MRTFA: variants seen among roughly 807,000 people sequenced by gnomAD.
MRTFA encodes myocardin-related transcription factor A.
Under a neutral mutation model 83.5 loss-of-function variants are expected in MRTFA, and 20 were observed. That is an observed-to-expected ratio of 0.24 (90% confidence interval 0.17 to 0.35). The LOEUF is 0.35. MRTFA is among the 10% of genes least tolerant of loss of function. The pLI is 1.00. For missense variants in MRTFA, 1,200 were observed against 1,224.7 expected (o/e 0.98, Z 0.30); for synonymous variants, 659 against 541.2 (o/e 1.22, Z -3.02).
chr22:40,589,986 C>T (rs1157809500), intron 2 of MRTFA, among the ~76,000 whole-genome samples: 1 of 149,298 alleles, frequency 6.7e-6, no homozygotes, highest in East Asian at 2.0e-4. Context: ...CGTACCACTG[C>T]ACTCCAGCCT....
At chr22:40,554,587 T>A (rs962367094) in intron 2 of MRTFA, among the ~76,000 whole-genome samples, 1 of 152,210 alleles carries the variant, frequency 6.6e-6, no homozygotes, top group Admixed American at 6.5e-5. Flanking sequence ...CCGAGCCCTG[T>A]GGAACTGTGA....
chr22:40,554,555 A>T (rs986899926), intron 2 of MRTFA, among the ~76,000 whole-genome samples: 2 of 152,086 alleles, frequency 1.3e-5, no homozygotes, highest in African/African-American at 4.8e-5. Flanking sequence ...TGCCATCATG[A>T]CTGTAAGTTT....
At chr22:40,413,226 C>G (rs2052600007) in intron 14 of MRTFA, among the ~76,000 whole-genome samples, 1 of 149,622 alleles carries the variant, frequency 6.7e-6, no homozygotes. Context: ...GAGGCTGGGA[C>G]AGGAGGATTG....
chr22:40,545,829 G>A (rs1438860634), intron 3 of MRTFA, among the ~76,000 whole-genome samples: 2 of 151,344 alleles, frequency 1.3e-5, no homozygotes, highest in African/African-American at 4.9e-5. Flanking sequence ...CCTCTCCCCA[G>A]TTCAAGCGAT....
chr22:40,609,416 G>A (rs1376195076), intron 1 of MRTFA, among the ~76,000 whole-genome samples: 2 of 149,502 alleles, frequency 1.3e-5, no homozygotes, highest in Non-Finnish European at 3.0e-5. Flanking sequence ...AGGAGTTTGA[G>A]GCTATGGTGA....
chr22:40,429,511 GT>G, intron 7 of MRTFA, 94 bp downstream of exon 7: 1 of 1,441,398 alleles, frequency 6.9e-7, no homozygotes. Context: ...AGATTAAGAA[GT>G]CAAGAGCCTC....
intron 3 of MRTFA, among the ~76,000 whole-genome samples, chr22:40,518,610 G>A (rs187857796): frequency 4.9e-4 from 75 of 151,954 alleles, no homozygotes; most frequent in Middle Eastern, 3.4e-3. Flanking sequence ...TGGCTAACAA[G>A]GTGAAACCCC....
chr22:40,634,019 A>G (rs1050193444), intron 1 of MRTFA, among the ~76,000 whole-genome samples: 3 of 152,164 alleles, frequency 2.0e-5, no homozygotes, highest in African/African-American at 4.8e-5. Context: ...GCTTTTATGT[A>G]GTGGGCATCA....
chr22:40,445,532 TTTTTG>T (rs534211454), intron 4 of MRTFA, among the ~76,000 whole-genome samples: 4 of 152,102 alleles, frequency 2.6e-5, no homozygotes, highest in East Asian at 3.9e-4. Context: ...AAGGGGTTTT[TTTTTG>T]TTTTGTTTTG....
chr22:40,507,972 C>CAA (rs11315930), intron 3 of MRTFA, among the ~76,000 whole-genome samples: 76 of 37,538 alleles, frequency 2.0e-3, no homozygotes, highest in African/African-American at 2.5e-3. Context: ...GACTCCACCT[C>CAA]AAAAAAAAAA....
intron 1 of MRTFA, among the ~76,000 whole-genome samples, chr22:40,628,553 C>T (rs188546354): frequency 2.4e-4 from 36 of 151,830 alleles, no homozygotes; most frequent in South Asian, 4.1e-4. Flanking sequence ...TTACTCATTA[C>T]AAGCTCTCAT....
intron 3 of MRTFA, among the ~76,000 whole-genome samples, chr22:40,475,081 C>T (rs2053970948): frequency 6.6e-6 from 1 of 150,428 alleles, no homozygotes; most frequent in Non-Finnish European, 1.5e-5. Context: ...TCAGGTGATC[C>T]GCCTGCCTTG....
At chr22:40,537,707 G>A (rs866631533) in intron 3 of MRTFA, among the ~76,000 whole-genome samples, 719 of 10,724 alleles carry the variant, frequency 0.067, 35 homozygotes, top group East Asian at 0.26. Flanking sequence ...CACCCCGTCC[G>A]GGAGGGAGAT....
At position 40,418,728 on chromosome 22, in the gene MRTFA, G is replaced by T. The variant is rs1252889246; in HGVS notation, c.2010C>A (p.Pro670=). The change falls in exon 12 of 15, where the codon CCC becomes CCA. Residue 670 remains proline (P), a synonymous_variant. Transcript: ENST00000355630. ...TCTCCTGCTTCACGGGGGTGCCGAG[G>T]GGGGCGGGGGCGGGGGCGGGCTGCT... 2.1e-6 allele frequency: 3 copies of T among 1,456,072 alleles called. No individual in the cohort carries two copies. The highest frequency in any genetic ancestry group is 5.0e-5 in the Admixed American group (2 of 39,664). 90.2% of individuals were successfully genotyped at this position (1,456,072 alleles called of 1,614,324 possible). A position where few individuals can be genotyped will look rare whatever the true frequency, so the allele number is the denominator to read the frequency against.
At chr22:40,488,367 C>T (rs924008735) in intron 3 of MRTFA, among the ~76,000 whole-genome samples, 1 of 152,158 alleles carries the variant, frequency 6.6e-6, no homozygotes, top group Non-Finnish European at 1.5e-5. Context: ...ACTGTGCTAT[C>T]AGACATGGCA....
At position 40,418,764 on chromosome 22, in the gene MRTFA, C is replaced by T. The variant is rs2052752406; in HGVS notation, c.1974G>A (p.Glu658=). Reference sequence around the variant, plus strand: ...CGGGGGCGGGCTGCTGGGCTCGCTTCTCCTGCTCCAGCTGCAGCTTGAGCC... The same window carrying T: ...CGGGGGCGGGCTGCTGGGCTCGCTTTTCCTGCTCCAGCTGCAGCTTGAGCC... Residue 658 remains glutamate (E), a synonymous_variant, in exon 12 of 15, where the codon GAG becomes GAA. Coordinates refer to ENST00000355630, the MANE Select transcript of MRTFA (RefSeq NM_020831.6). 1.3e-6 allele frequency: 2 copies of T among 1,553,468 alleles called. No individual in the cohort carries two copies. The highest frequency in any genetic ancestry group is 1.7e-6 in the Non-Finnish European group (2 of 1,156,270).
intron 3 of MRTFA, among the ~76,000 whole-genome samples, chr22:40,539,925 T>C (rs868854772): frequency 6.6e-4 from 98 of 147,514 alleles, no homozygotes; most frequent in East Asian, 2.5e-3. Flanking sequence ...TTTTTTTTTT[T>C]CCCAGACAGG....
intron 3 of MRTFA, among the ~76,000 whole-genome samples, chr22:40,502,250 C>T (rs1158771864): frequency 7.0e-6 from 1 of 142,690 alleles, no homozygotes; most frequent in Non-Finnish European, 1.5e-5. Context: ...TGGAGAGGCT[C>T]CTCACTTCTC....
intron 1 of MRTFA, among the ~76,000 whole-genome samples, chr22:40,600,157 A>C (rs544448822): frequency 1.3e-5 from 2 of 152,212 alleles, no homozygotes; most frequent in South Asian, 4.1e-4. Context: ...AAAAAATCTT[A>C]ATCTCTCTCT....
Sources: allele counts gnomAD v4.1 joint callset (sites outside exome capture counted in the v4.1 genomes callset), GRCh38; gene constraint gnomAD v4.1.1; transcripts MANE v1.5; gene names NCBI Gene and HGNC (gene_info 2026-07-23, HGNC 2026-07-21).